Variants in RBPJ observed in about 807,000 individuals in gnomAD.
RBPJ encodes recombination signal binding protein for immunoglobulin kappa J region, also known as recombining binding protein suppressor of hairless.
RBPJ carries 9 observed loss-of-function variants against 67.8 expected under a neutral mutation model. That is an observed-to-expected ratio of 0.13 (90% CI 0.08 to 0.23). The LOEUF (loss-of-function observed/expected upper bound fraction) is 0.23. Among genes scored for constraint, RBPJ ranks in the 10% least tolerant of loss-of-function variants. The pLI, the probability that RBPJ is intolerant of heterozygous loss-of-function variation, is 1.00. For missense variants in RBPJ, 305 were observed against 595.6 expected (o/e 0.51, Z 5.08); for synonymous variants, 198 against 203.3 (o/e 0.97, Z 0.22).
chr4:26,149,439 G>A, the RBPJ span, among the ~76,000 whole-genome samples: 10 of 152,276 alleles, frequency 6.6e-5, no homozygotes, highest in East Asian at 1.9e-4. Context: ...CAAGGTATCC[G>A]TGAGTGGGGA....
intron 1 of RBPJ, among the ~76,000 whole-genome samples, chr4:26,212,945 T>TC (rs1289612083): frequency 6.6e-6 from 1 of 152,018 alleles, no homozygotes; most frequent in African/African-American, 2.4e-5. Flanking sequence ...CAAGAACTCA[T>TC]CCCCATACCA....
chr4:26,223,090 G>A (rs1046944837), intron 1 of RBPJ, among the ~76,000 whole-genome samples: 42 of 151,658 alleles, frequency 2.8e-4, no homozygotes, highest in Non-Finnish European at 5.7e-4. Context: ...GGGAGGCAGA[G>A]GTTGCAGTGA....
intron 1 of RBPJ, among the ~76,000 whole-genome samples, chr4:26,351,505 C>G (rs1726800406): frequency 1.3e-5 from 2 of 152,176 alleles, no homozygotes; most frequent in African/African-American, 2.4e-5. Context: ...CTCAGCTTCC[C>G]AAGTAGATGG....
At chr4:26,119,390 TC>T in the RBPJ span, among the ~76,000 whole-genome samples, 1 of 152,180 alleles carries the variant, frequency 6.6e-6, no homozygotes, top group Admixed American at 6.5e-5. Flanking sequence ...TAATGACTCT[TC>T]CAATGCCAAC....
chr4:26,392,926 T>C (rs1300564010), intron 2 of RBPJ, among the ~76,000 whole-genome samples: 1 of 152,144 alleles, frequency 6.6e-6, no homozygotes, highest in Admixed American at 6.5e-5. Context: ...GTTTTGTTTA[T>C]TTTTTTGTTT....
intron 7 of RBPJ, among the ~76,000 whole-genome samples, chr4:26,425,606 C>T (rs893595380): frequency 6.6e-6 from 1 of 152,056 alleles, no homozygotes; most frequent in Non-Finnish European, 1.5e-5. Context: ...GAGATCCTAT[C>T]TCAACAACCA....
chr4:26,352,657 C>T lies in RBPJ; in HGVS notation c.20+31609C>T, dbSNP rs953060843. Among the ~76,000 whole-genome samples, 9 of 152,212 alleles carry T rather than the reference C, an allele frequency of 5.9e-5. 1 individual carries two copies. Among genetic ancestry groups the T allele is most frequent in the South Asian group, 2.1e-4 (1 of 4,826 alleles). On this transcript the variant is annotated intron_variant, in intron 1 of 10. Coordinates refer to ENST00000355476, the MANE Select transcript of RBPJ (RefSeq NM_015874.6). ...GGCGGAGGTTGCAGTGAGCCCAGAT[C>T]GCACCATTGCACTTCGGCCTGGGCC...
rs771623602 is a variant in RBPJ at position 26,358,610 on chromosome 4, CAAA to C, written c.21-27722_21-27720del. Among the ~76,000 whole-genome samples, 123 of 43,114 alleles carry C rather than the reference CAAA, an allele frequency of 2.9e-3. 2 individuals carry two copies. The East Asian group carries it at 0.068, about 24-fold the overall frequency. 28.3% of individuals were successfully genotyped at this position (43,114 alleles called of 152,430 possible). On this transcript the variant is annotated intron_variant, in intron 1 of 10. Coordinates refer to ENST00000355476, the MANE Select transcript of RBPJ (RefSeq NM_015874.6). Reference sequence around the variant, plus strand: ...GCAGCATAGCAAGACCCCATCTCTGCAAAAAAAAAAAAAAAAAAAAAAAGTTAG... The same window carrying C: ...GCAGCATAGCAAGACCCCATCTCTGCAAAAAAAAAAAAAAAAAAAAGTTAG...
chr4:26,424,575 A>G lies in RBPJ; in HGVS notation c.635-56A>G. On this transcript the variant is annotated intron_variant, in intron 6 of 10. Transcript: ENST00000355476. This position sits in a 1 kb window ranked among gnomAD's most constrained non-coding sequence, Gnocchi z 5.3. ...TATATTAAGTTTTGTCATTTGCCTA[A>G]TCATAAAATAAATTTAAAAAGATGA... 6.4e-7 allele frequency: 1 copy of G among 1,559,766 alleles called. No homozygotes were observed. Among genetic ancestry groups the G allele is most frequent in the Non-Finnish European group, 8.8e-7 (1 of 1,138,540 alleles).
intron 1 of RBPJ, among the ~76,000 whole-genome samples, chr4:26,215,200 G>T: frequency 3.0e-5 from 1 of 33,294 alleles, no homozygotes; most frequent in Non-Finnish European, 5.0e-5. Context: ...GAAGGAAAAA[G>T]AGAGAGAAAG....
At chr4:26,246,433 A>T (rs1719931843) in intron 1 of RBPJ, among the ~76,000 whole-genome samples, 1 of 152,220 alleles carries the variant, frequency 6.6e-6, no homozygotes, top group African/African-American at 2.4e-5. Context: ...GGGTCCTAAA[A>T]CCAAAAAGTT....
intron 1 of RBPJ, among the ~76,000 whole-genome samples, chr4:26,231,012 G>A (rs1317007580): frequency 6.6e-6 from 1 of 152,120 alleles, no homozygotes; most frequent in Non-Finnish European, 1.5e-5. Flanking sequence ...ACAAGGAAAC[G>A]CATAAGCAGG....
At chr4:26,234,673 T>A (rs1019768381) in intron 1 of RBPJ, among the ~76,000 whole-genome samples, 2 of 151,876 alleles carry the variant, frequency 1.3e-5, no homozygotes, top group African/African-American at 4.9e-5. Context: ...GTTTTTCAAC[T>A]ATCTTATTTT....
the RBPJ span, among the ~76,000 whole-genome samples, chr4:26,120,686 A>C: frequency 3.4e-5 from 5 of 147,540 alleles, no homozygotes; most frequent in African/African-American, 1.3e-4. Context: ...TTCATAACCT[A>C]ATAGGTTACT....
chr4:26,255,276 C>T (rs866497872), intron 1 of RBPJ, among the ~76,000 whole-genome samples: 1,870 of 130,616 alleles, frequency 0.014, 29 homozygotes, highest in Middle Eastern at 0.022. Context: ...TGGTGGCGGG[C>T]GCCTGTAGTC....
At position 26,330,457 on chromosome 4, in the gene RBPJ, A is replaced by G. The variant is rs540240041; in HGVS notation, c.20+9409A>G. ...TTTCTACCTAGAAACCCACGTAGAAACTGACCCCCGGATTATATTCACTTT... is the reference window on the plus strand; with the variant it reads ...TTTCTACCTAGAAACCCACGTAGAAGCTGACCCCCGGATTATATTCACTTT... On this transcript the variant is annotated intron_variant, in intron 1 of 10. Coordinates refer to ENST00000355476, the MANE Select transcript of RBPJ (RefSeq NM_015874.6). Among the ~76,000 whole-genome samples, 52 of 152,342 alleles carry G rather than the reference A, an allele frequency of 3.4e-4. No individual in the cohort carries two copies. In the South Asian group the frequency reaches 0.011, roughly 31 times the overall value.
chr4:26,245,319 C>T (rs1719892771), intron 1 of RBPJ, among the ~76,000 whole-genome samples: 1 of 148,304 alleles, frequency 6.7e-6, no homozygotes, highest in Non-Finnish European at 1.5e-5. Context: ...AGCAATTCTT[C>T]TGCCTCAGCC....
chr4:26,258,171 A>G (rs1720406629), intron 1 of RBPJ, among the ~76,000 whole-genome samples: 1 of 152,238 alleles, frequency 6.6e-6, no homozygotes, highest in Non-Finnish European at 1.5e-5. Flanking sequence ...TCAGATGGCA[A>G]TAGAAGCTGT....
Position 26,431,200 on chromosome 4 carries a change from A to AAG in RBPJ, c.*194_*195insGA, listed in dbSNP as rs1553882957. On this transcript the variant is annotated 3_prime_UTR_variant, in exon 11 of 11. Coordinates refer to ENST00000355476, the MANE Select transcript of RBPJ (RefSeq NM_015874.6). ...AAGCCACAGTAAAAAAAAAAAAAAA[A>AAG]AAAAAAAAAAAGAAAAAAAAATCAA... The AAG allele has an allele frequency of 1.3e-5, 5 of 373,278 alleles. No homozygotes were observed. The East Asian group carries it at 1.6e-4, about 12-fold the overall frequency. 23.1% of individuals were successfully genotyped at this position (373,278 alleles called of 1,614,324 possible).
Sources: allele counts gnomAD v4.1 joint callset (sites outside exome capture counted in the v4.1 genomes callset), GRCh38; gene constraint gnomAD v4.1.1; non-coding constraint Gnocchi (gnomAD v3.1); transcripts MANE v1.5; gene names NCBI Gene and HGNC (gene_info 2026-07-23, HGNC 2026-07-21).